ADORA2B: variants seen among roughly 807,000 people sequenced by gnomAD.
The protein encoded by ADORA2B is adenosine receptor A2b.
Under a neutral mutation model 20.8 loss-of-function variants are expected in ADORA2B, and 18 were observed. That is an observed-to-expected ratio of 0.87 (90% confidence interval 0.60 to 1.29). The LOEUF (loss-of-function observed/expected upper bound fraction) is 1.29. Among genes scored for constraint, ADORA2B ranks in the 50% most tolerant of loss-of-function variants. ADORA2B has a pLI of 0.00. For missense variants in ADORA2B, 441 were observed against 422.7 expected (o/e 1.04, Z -0.38); for synonymous variants, 179 against 178.3 (o/e 1.00, Z -0.03).
At chr17:15,938,969 G>A in the ADORA2B span, among the ~76,000 whole-genome samples, 3 of 152,184 alleles carry the variant, frequency 2.0e-5, 1 homozygote, top group South Asian at 4.2e-4. Flanking sequence ...TAAGATCTCC[G>A]AATGTATATC....
the ADORA2B span, among the ~76,000 whole-genome samples, chr17:15,911,078 G>T: frequency 6.6e-6 from 1 of 152,224 alleles, no homozygotes. Context: ...ACCACTAAGT[G>T]GGGCAGGGAT....
the ADORA2B span, among the ~76,000 whole-genome samples, chr17:15,879,783 T>C: frequency 9.0e-3 from 1,356 of 150,236 alleles, 29 homozygotes; most frequent in African/African-American, 0.032. Context: ...GTGATCCGCC[T>C]GCCTCGGCCT....
At chr17:15,964,524 G>A (rs572886566) in intron 1 of ADORA2B, among the ~76,000 whole-genome samples, 1 of 150,338 alleles carries the variant, frequency 6.7e-6, no homozygotes, top group African/African-American at 2.5e-5. Flanking sequence ...CAGGAGAATC[G>A]CTTGAACCTG....
At chr17:15,905,570 C>T in the ADORA2B span, among the ~76,000 whole-genome samples, 122 of 151,582 alleles carry the variant, frequency 8.0e-4, no homozygotes, top group African/African-American at 2.7e-3. Flanking sequence ...TTAGTAGAGA[C>T]GGGTTTTCAC....
chr17:15,862,964 A>T, the ADORA2B span, among the ~76,000 whole-genome samples: 2 of 152,198 alleles, frequency 1.3e-5, no homozygotes, highest in Non-Finnish European at 2.9e-5. Flanking sequence ...GAAAGTCTGA[A>T]TGAATAAGCT....
the ADORA2B span, among the ~76,000 whole-genome samples, chr17:15,866,819 C>T: frequency 6.6e-6 from 1 of 151,830 alleles, no homozygotes; most frequent in Middle Eastern, 3.4e-3. Context: ...TTTCCACAGT[C>T]TCCCTCTGAT....
chr17:15,939,655 T>G, the ADORA2B span, among the ~76,000 whole-genome samples: 1 of 151,808 alleles, frequency 6.6e-6, no homozygotes, highest in Non-Finnish European at 1.5e-5. Context: ...GTCAGGAGAT[T>G]GAGACCATCC....
upstream of ADORA2B, chr17:15,945,121 C>A (rs910494910): frequency 3.6e-5 from 30 of 839,782 alleles, no homozygotes; most frequent in African/African-American, 2.3e-4. Context: ...CGCCCCAGCC[C>A]CGAGGCTCAG....
chr17:15,971,728 G>A (rs887735902), intron 1 of ADORA2B, among the ~76,000 whole-genome samples: 2 of 150,848 alleles, frequency 1.3e-5, no homozygotes, highest in African/African-American at 4.9e-5. Context: ...TGCCTCCCAG[G>A]TTCAGGCAAT....
At chr17:15,874,898 A>G in the ADORA2B span, among the ~76,000 whole-genome samples, 2 of 152,196 alleles carry the variant, frequency 1.3e-5, no homozygotes, top group Non-Finnish European at 2.9e-5. Flanking sequence ...GCTTCTCTAC[A>G]CAATGTGCAA....
At chr17:15,945,727 C>T (rs867677913) in intron 1 of ADORA2B, 144 bp downstream of exon 1, 65 of 747,228 alleles carry the variant, frequency 8.7e-5, no homozygotes, top group Middle Eastern at 7.7e-4. Flanking sequence ...TGGTTCCCAG[C>T]CTGGCCACCC....
the ADORA2B span, among the ~76,000 whole-genome samples, chr17:15,896,308 T>G: frequency 6.6e-6 from 1 of 152,090 alleles, no homozygotes; most frequent in Non-Finnish European, 1.5e-5. Context: ...ACAAAAAAAC[T>G]GTGTTTAAAC....
At chr17:15,855,567 A>C in the ADORA2B span, among the ~76,000 whole-genome samples, 34 of 151,550 alleles carry the variant, frequency 2.2e-4, no homozygotes, top group African/African-American at 7.0e-4. Context: ...TCTCACCTGC[A>C]TTCTGAAATG....
chr17:15,938,468 A>G, the ADORA2B span, among the ~76,000 whole-genome samples: 1 of 152,158 alleles, frequency 6.6e-6, no homozygotes, highest in African/African-American at 2.4e-5. Context: ...ACGCCCGGCT[A>G]ATGTTTTGTA....
the ADORA2B span, among the ~76,000 whole-genome samples, chr17:15,934,533 C>T: frequency 1.3e-5 from 2 of 152,040 alleles, no homozygotes; most frequent in African/African-American, 4.8e-5. Flanking sequence ...CTCTATATAT[C>T]TTATATCCTT....
At chr17:15,920,859 A>G in the ADORA2B span, among the ~76,000 whole-genome samples, 1 of 152,182 alleles carries the variant, frequency 6.6e-6, no homozygotes, top group African/African-American at 2.4e-5. Flanking sequence ...CCAGCTGGAG[A>G]AGCACAGCAG....
At chr17:15,854,549 A>G in the ADORA2B span, among the ~76,000 whole-genome samples, 16 of 152,228 alleles carry the variant, frequency 1.1e-4, no homozygotes, top group Non-Finnish European at 8.8e-5. Flanking sequence ...GCTTTCCCAC[A>G]AGATTATGAA....
At chr17:15,916,577 A>G in the ADORA2B span, among the ~76,000 whole-genome samples, 1 of 152,142 alleles carries the variant, frequency 6.6e-6, no homozygotes, top group African/African-American at 2.4e-5. Context: ...ATTAGAACAG[A>G]ACAGGACAGG....
At chr17:15,866,664 A>G in the ADORA2B span, among the ~76,000 whole-genome samples, 1 of 142,196 alleles carries the variant, frequency 7.0e-6, no homozygotes, top group South Asian at 2.2e-4. Context: ...AGTGTGCCTT[A>G]AATTTTCTTC....
Sources: allele counts gnomAD v4.1 joint callset (sites outside exome capture counted in the v4.1 genomes callset), GRCh38; gene constraint gnomAD v4.1.1; transcripts MANE v1.5; gene names NCBI Gene and HGNC (gene_info 2026-07-23, HGNC 2026-07-21).